The following DHRS7B variants were observed in gnomAD, a reference collection of about 807,000 sequenced individuals.
DHRS7B encodes dehydrogenase/reductase 7B, also known as peroxisomal reductase activating PPAR-gamma.
DHRS7B carries 24 observed loss-of-function variants against 26.4 expected under a neutral mutation model. That is an observed-to-expected ratio of 0.91 (90% CI 0.66 to 1.28). The LOEUF is 1.28. Among genes scored for constraint, DHRS7B ranks in the 50% most tolerant of loss-of-function variants. The pLI, the probability that DHRS7B is intolerant of heterozygous loss-of-function variation, is 0.00. For missense variants in DHRS7B, 368 were observed against 419.4 expected (o/e 0.88, Z 1.07); for synonymous variants, 142 against 166.4 (o/e 0.85, Z 1.13).
Position 21,139,310 on chromosome 17 carries a change from G to A in DHRS7B, c.20+12319G>A, listed in dbSNP as rs185166847. Among the ~76,000 whole-genome samples the A allele has an allele frequency of 2.0e-5, 3 of 152,152 alleles. No individual in the cohort carries two copies. In the East Asian group the frequency reaches 5.8e-4, roughly 29 times the overall value. ...CACAAGCGAAGATCATTCTGTTTTG[G>A]GCTGGGTTTAATGTTTTGTAACCCC... is the stretch of plus-strand genomic sequence containing the variant. On this transcript the variant is annotated intron_variant, in intron 1 of 6. Coordinates refer to ENST00000395511, the MANE Select transcript of DHRS7B (RefSeq NM_015510.5).
At chr17:21,141,505 A>G (rs1457926263) in intron 1 of DHRS7B, among the ~76,000 whole-genome samples, 3 of 151,456 alleles carry the variant, frequency 2.0e-5, no homozygotes, top group Non-Finnish European at 4.4e-5. Context: ...AATGGTAAGG[A>G]GGAATTACGA....
chr17:21,152,015 C>T (rs1597739138), intron 1 of DHRS7B, among the ~76,000 whole-genome samples: 1 of 152,226 alleles, frequency 6.6e-6, no homozygotes, highest in Non-Finnish European at 1.5e-5. Flanking sequence ...TCCCTGTTCA[C>T]CATCCACCAT....
At chr17:21,168,526 AC>A (rs1193011610) in intron 1 of DHRS7B, among the ~76,000 whole-genome samples, 1 of 151,866 alleles carries the variant, frequency 6.6e-6, no homozygotes, top group African/African-American at 2.4e-5. Flanking sequence ...GCACTACCAT[AC>A]CTGGTTAGTT....
chr17:21,155,252 A>G lies in DHRS7B; in HGVS notation c.21-16766A>G, dbSNP rs192556723. Among the ~76,000 whole-genome samples the G allele has an allele frequency of 1.9e-3, 283 of 152,204 alleles. 2 individuals carry two copies. Among genetic ancestry groups the G allele is most frequent in the Non-Finnish European group, 3.0e-3 (206 of 68,034 alleles). ...AATATATGTTGTCTACCAGAAACCA[A>G]CTTTAAGTATAAAGACACATATAGA... On this transcript the variant is annotated intron_variant, in intron 1 of 6. Transcript: ENST00000395511.
chr17:21,163,688 C>G (rs1974047645), intron 1 of DHRS7B, among the ~76,000 whole-genome samples: 1 of 152,178 alleles, frequency 6.6e-6, no homozygotes, highest in Non-Finnish European at 1.5e-5. Flanking sequence ...TCCACACACA[C>G]AGTGGCATCA....
At chr17:21,149,643 G>A (rs9896561) in intron 1 of DHRS7B, among the ~76,000 whole-genome samples, 1 of 151,782 alleles carries the variant, frequency 6.6e-6, no homozygotes, top group Non-Finnish European at 1.5e-5. Flanking sequence ...TGTAGAGGGA[G>A]TTTTTTAAAC....
chr17:21,142,222 C>T (rs138926099), intron 1 of DHRS7B, among the ~76,000 whole-genome samples: 337 of 152,240 alleles, frequency 2.2e-3, no homozygotes, highest in African/African-American at 7.1e-3. Flanking sequence ...CCAGAGGGTA[C>T]GTGACAGGGG....
intron 5 of DHRS7B, among the ~76,000 whole-genome samples, chr17:21,186,305 C>A (rs751843322): frequency 6.6e-6 from 1 of 152,238 alleles, no homozygotes; most frequent in Non-Finnish European, 1.5e-5. Flanking sequence ...TGGCCAGCGG[C>A]GAGGTCAGCA....
At chr17:21,182,987 C>T (rs531475347) in intron 3 of DHRS7B, among the ~76,000 whole-genome samples, 38 of 152,134 alleles carry the variant, frequency 2.5e-4, no homozygotes, top group Non-Finnish European at 4.6e-4. Context: ...AAATGTTTGG[C>T]AGAATTCACC....
intron 1 of DHRS7B, among the ~76,000 whole-genome samples, chr17:21,144,073 CATG>C (rs1489930055): frequency 1.3e-5 from 2 of 152,172 alleles, no homozygotes; most frequent in African/African-American, 4.8e-5. Flanking sequence ...TGGGCTTTCT[CATG>C]ATCTAATTTC....
chr17:21,144,037 C>G (rs945543279), intron 1 of DHRS7B, among the ~76,000 whole-genome samples: 16 of 152,180 alleles, frequency 1.1e-4, no homozygotes, highest in Non-Finnish European at 1.5e-5. Flanking sequence ...GTTCTAAGAG[C>G]TATGGCAGGA....
chr17:21,131,646 C>T (rs1361184583), intron 1 of DHRS7B, among the ~76,000 whole-genome samples: 1 of 152,196 alleles, frequency 6.6e-6, no homozygotes, highest in Admixed American at 6.5e-5. Flanking sequence ...CAGTAGGTCT[C>T]AGCCTTATTT....
chr17:21,169,822 G>A (rs936108564), intron 1 of DHRS7B, among the ~76,000 whole-genome samples: 1 of 151,950 alleles, frequency 6.6e-6, no homozygotes, highest in African/African-American at 2.4e-5. Flanking sequence ...TCTGGGTCCC[G>A]GCCCCAGAGG....
intron 1 of DHRS7B, among the ~76,000 whole-genome samples, chr17:21,162,154 G>T (rs1377071265): frequency 2.0e-5 from 3 of 151,938 alleles, no homozygotes; most frequent in Admixed American, 2.0e-4. Context: ...ACAGGAATTT[G>T]TTAGAATTCA....
chr17:21,190,951 T>C lies in DHRS7B; in HGVS notation c.776T>C (p.Met259Thr), dbSNP rs765711943. 6.2e-6 allele frequency: 10 copies of C among 1,614,080 alleles called. No homozygotes were observed. The South Asian group carries it at 7.7e-5, about 12-fold the overall frequency. ...ITADGSRYGV[M>T]DTTTAQGRSP... Reference sequence around the variant, plus strand: ...TCTTTTGTTTTATTTATTTTAGTTATGGACACCACCACAGCCCAGGGCCGA... The same window carrying C: ...TCTTTTGTTTTATTTATTTTAGTTACGGACACCACCACAGCCCAGGGCCGA... Residue 259 changes from methionine to threonine, a missense_variant, in exon 7 of 7, where the codon ATG becomes ACG. Coordinates refer to ENST00000395511, the MANE Select transcript of DHRS7B (RefSeq NM_015510.5).
At chr17:21,189,507 C>G (rs906993538) in intron 6 of DHRS7B, among the ~76,000 whole-genome samples, 5 of 152,206 alleles carry the variant, frequency 3.3e-5, no homozygotes, top group African/African-American at 1.2e-4. Context: ...GGCCTGCTCA[C>G]CCCTCCAGTG....
At chr17:21,167,378 GA>G (rs1228813395) in intron 1 of DHRS7B, among the ~76,000 whole-genome samples, 2 of 152,190 alleles carry the variant, frequency 1.3e-5, no homozygotes, top group Non-Finnish European at 2.9e-5. Context: ...AGAGCTCATG[GA>G]TCTGGCAAGG....
At chr17:21,182,150 G>A (rs1974527034) in intron 3 of DHRS7B, among the ~76,000 whole-genome samples, 1 of 152,320 alleles carries the variant, frequency 6.6e-6, no homozygotes, top group Non-Finnish European at 1.5e-5. Context: ...AAGGGTGTTA[G>A]ATTTTGTGAG....
At chr17:21,150,899 C>A (rs1452222282) in intron 1 of DHRS7B, among the ~76,000 whole-genome samples, 1 of 151,896 alleles carries the variant, frequency 6.6e-6, no homozygotes, top group Non-Finnish European at 1.5e-5. Context: ...AGTAACATGC[C>A]CACTGATTCT....
Sources: gnomAD v4.1 joint callset for allele counts (sites outside exome capture counted in the v4.1 genomes callset) on GRCh38, gnomAD v4.1.1 for gene constraint, MANE v1.5 for transcripts, NCBI Gene and HGNC (gene_info 2026-07-23, HGNC 2026-07-21) for gene names.